Variants in BEND3 observed in about 807,000 individuals in gnomAD.
BEND3 encodes the protein BEN domain containing 3, also known as BEN domain-containing protein 3.
BEND3 carries 13 observed loss-of-function variants against 60.1 expected under a neutral mutation model. That is an observed-to-expected ratio of 0.22 (90% CI 0.14 to 0.34). The LOEUF is 0.34. Among genes scored for constraint, BEND3 ranks in the 10% least tolerant of loss-of-function variants. The pLI, the probability that BEND3 is intolerant of heterozygous loss-of-function variation, is 1.00. For missense variants in BEND3, 896 were observed against 1,138.1 expected (o/e 0.79, Z 3.06); for synonymous variants, 497 against 491.5 (o/e 1.01, Z -0.15).
Position 107,068,603 on chromosome 6 carries a change from T to A in BEND3, c.*101A>T, listed in dbSNP as rs1554231197. ...ACTCCCCACGGACATAAGGTGCCTG[T>A]CTGTGGATGCCATAGGCGTGCTCCC... On this transcript the variant is annotated 3_prime_UTR_variant, in exon 4 of 4. Coordinates refer to ENST00000369042, the MANE Select transcript of BEND3 (RefSeq NM_001367314.1). The surrounding 1 kb of genome is among the most constrained non-coding windows in gnomAD (Gnocchi z 5.8). 1 of 1,328,198 alleles carries A rather than the reference T, an allele frequency of 7.5e-7. No homozygotes were observed. The highest frequency in any genetic ancestry group is 1.0e-6 in the Non-Finnish European group (1 of 974,110). 82.3% of individuals were successfully genotyped at this position (1,328,198 alleles called of 1,614,324 possible). A position where few individuals can be genotyped will look rare whatever the true frequency, so the allele number is the denominator to read the frequency against.
intron 3 of BEND3, among the ~76,000 whole-genome samples, chr6:107,071,505 C>T (rs1774981522): frequency 6.6e-6 from 1 of 152,262 alleles, no homozygotes; most frequent in East Asian, 1.9e-4. Flanking sequence ...GTCGGGGCAC[C>T]TGAGAACTGG....
chr6:107,072,292 T>G (rs1344195899), intron 3 of BEND3, among the ~76,000 whole-genome samples: 7 of 152,146 alleles, frequency 4.6e-5, no homozygotes, highest in Admixed American at 2.6e-4. Context: ...TAAGCTCTAG[T>G]GTACACACTG....
At chr6:107,090,031 G>A (rs529824710) in intron 3 of BEND3, among the ~76,000 whole-genome samples, 1 of 152,070 alleles carries the variant, frequency 6.6e-6, no homozygotes, top group East Asian at 1.9e-4. Context: ...CAAAATTGAA[G>A]GAATCACATT....
At chr6:107,084,583 C>T (rs1554233945) in intron 3 of BEND3, among the ~76,000 whole-genome samples, 2 of 149,962 alleles carry the variant, frequency 1.3e-5, no homozygotes, top group African/African-American at 4.9e-5. Flanking sequence ...GCAATCAGCA[C>T]TCTGTGTCTA....
chr6:107,070,286 A>G lies in BEND3; in HGVS notation c.905T>C (p.Leu302Pro). 1 of 1,612,894 alleles carries G rather than the reference A, an allele frequency of 6.2e-7. No homozygotes were observed. The highest frequency in any genetic ancestry group is 8.5e-7 in the Non-Finnish European group (1 of 1,179,994). Residue 302 changes from leucine (L) to proline (P), a missense_variant, in exon 4 of 4, where the codon CTG becomes CCG. Physicochemically the swap from Leu to Pro is moderately conservative, Grantham distance 98. This residue lies in a region of BEND3 where 846 missense variants were observed against 1,036.7 expected (regional missense o/e 0.82). Transcript: ENST00000369042. The surrounding 1 kb of genome is among the most constrained non-coding windows in gnomAD (Gnocchi z 6.9). Reference protein sequence around the residue: ...GFAAKRKLESLHLQLIRNYVE... With the variant: ...GFAAKRKLESPHLQLIRNYVE... ...ATAGTTGCGGATGAGCTGCAGGTGC[A>G]GCGACTCCAGCTTGCGCTTGGCCGC...
chr6:107,075,661 A>G (rs1775085308), intron 3 of BEND3, among the ~76,000 whole-genome samples: 1 of 152,220 alleles, frequency 6.6e-6, no homozygotes, highest in Admixed American at 6.5e-5. Context: ...TTAGAAAAGG[A>G]GACTTTGCTT....
chr6:107,071,170 A>G (rs1170334463), intron 3 of BEND3, among the ~76,000 whole-genome samples: 1 of 152,228 alleles, frequency 6.6e-6, no homozygotes, highest in African/African-American at 2.4e-5. Context: ...CCCTGAGAAA[A>G]GACTCAGGCT....
rs1265610635 is a variant in BEND3 at position 107,115,123 on chromosome 6, C to G, written c.-45G>C. The G allele has an allele frequency of 6.7e-6, 1 of 150,098 alleles. No individual in the cohort carries two copies. Among genetic ancestry groups the G allele is most frequent in the African/African-American group, 2.4e-5 (1 of 41,194 alleles). 9.3% of individuals were successfully genotyped at this position (150,098 alleles called of 1,614,324 possible). On this transcript the variant is annotated 5_prime_UTR_variant, in exon 1 of 4. Coordinates refer to ENST00000369042, the MANE Select transcript of BEND3 (RefSeq NM_001367314.1). ...CGAGTTCTGTACTTTGCCGGGCGGG[C>G]CCGCGCCGAGTTTGGGCGCCACGTG... is the stretch of plus-strand genomic sequence containing the variant.
rs535141280 is a variant in BEND3 at position 107,100,417 on chromosome 6, G to C, written c.-11-1121C>G. Reference sequence around the variant, plus strand: ...CGAGTAGCTGGGACTACAGGCATAAGCCACCACTCCCGGCTAATTTTTTGT... The same window carrying C: ...CGAGTAGCTGGGACTACAGGCATAACCCACCACTCCCGGCTAATTTTTTGT... On this transcript the variant is annotated intron_variant, in intron 1 of 3. Transcript: ENST00000369042. 1.4e-4 allele frequency among the ~76,000 whole-genome samples: 22 copies of C among 152,184 alleles called. No individual in the cohort carries two copies. The East Asian group carries it at 4.3e-3, about 30-fold the overall frequency.
At chr6:107,071,912 G>C (rs1464835724) in intron 3 of BEND3, among the ~76,000 whole-genome samples, 1 of 152,174 alleles carries the variant, frequency 6.6e-6, no homozygotes, top group East Asian at 1.9e-4. Flanking sequence ...AACGTCAGTG[G>C]GTGACAGATG....
rs868959942 is a variant in BEND3, at chr6:107,090,043, C to T, written c.240+8508G>A. Among the ~76,000 whole-genome samples, 93 of 152,144 alleles carry T rather than the reference C, an allele frequency of 6.1e-4. 2 individuals carry two copies. The Middle Eastern group carries it at 0.017, about 28-fold the overall frequency. ...GAACAAAATTGAAGGAATCACATTACCTGATTTTAAATTATACTACAGAGG... is the reference window on the plus strand; with the variant it reads ...GAACAAAATTGAAGGAATCACATTATCTGATTTTAAATTATACTACAGAGG... On this transcript the variant is annotated intron_variant, in intron 3 of 3. Transcript: ENST00000369042.
intron 3 of BEND3, among the ~76,000 whole-genome samples, chr6:107,091,563 G>A (rs1554235230): frequency 6.6e-6 from 1 of 152,162 alleles, no homozygotes; most frequent in African/African-American, 2.4e-5. Context: ...CTAGAGGAAA[G>A]AGACTAATTC....
intron 1 of BEND3, among the ~76,000 whole-genome samples, chr6:107,108,803 G>A (rs528222575): frequency 2.0e-5 from 3 of 152,092 alleles, no homozygotes; most frequent in Admixed American, 1.3e-4. Context: ...AAATTAAGAG[G>A]GTTGATTGAT....
At chr6:107,093,439 C>T (rs1395027104) in intron 3 of BEND3, among the ~76,000 whole-genome samples, 10 of 148,474 alleles carry the variant, frequency 6.7e-5, no homozygotes, top group African/African-American at 2.2e-4. Flanking sequence ...CCAGCCTGGG[C>T]GACAGAGCGA....
chr6:107,086,018 A>T (rs1201682508), intron 3 of BEND3, among the ~76,000 whole-genome samples: 1 of 151,182 alleles, frequency 6.6e-6, no homozygotes, highest in African/African-American at 2.4e-5. Flanking sequence ...CGATCTCCTG[A>T]CCTCGTGATC....
intron 3 of BEND3, among the ~76,000 whole-genome samples, chr6:107,098,032 G>C (rs546743012): frequency 5.9e-5 from 9 of 151,318 alleles, no homozygotes; most frequent in Admixed American, 2.6e-4. Flanking sequence ...AGAGTTGGCT[G>C]TGCACTATGG....
At position 107,098,715 on chromosome 6, in the gene BEND3, C is replaced by T. The variant is rs782214474; in HGVS notation, c.76G>A (p.Glu26Lys). The T allele has an allele frequency of 1.4e-5, 22 of 1,614,158 alleles. No individual in the cohort carries two copies. In the South Asian group the frequency reaches 2.3e-4, roughly 17 times the overall value. Reference sequence around the variant, plus strand: ...ACGGAGCAGTCCAGAGCAGCATCTTCAGCCTCTGTCTCCACTTTCACAGTG... The same window carrying T: ...ACGGAGCAGTCCAGAGCAGCATCTTTAGCCTCTGTCTCCACTTTCACAGTG... ...SITVKVETEA[E>K]DAALDCSVNS... is the part of the protein sequence containing the mutation. The change falls in exon 3 of 4, where the codon GAA (glutamate) becomes AAA (lysine). Residue 26 changes from glutamate (E) to lysine (K), a missense_variant. Glu to Lys is a moderately conservative substitution (Grantham distance 56). Coordinates refer to ENST00000369042, the MANE Select transcript of BEND3 (RefSeq NM_001367314.1).
At chr6:107,112,779 G>A (rs755695275) in intron 1 of BEND3, among the ~76,000 whole-genome samples, 3 of 151,484 alleles carry the variant, frequency 2.0e-5, no homozygotes, top group Non-Finnish European at 4.4e-5. Context: ...CTTGAACCCA[G>A]GAGGCAGAGG....
At chr6:107,110,993 G>C (rs1349055405) in intron 1 of BEND3, among the ~76,000 whole-genome samples, 2 of 151,606 alleles carry the variant, frequency 1.3e-5, no homozygotes, top group East Asian at 4.0e-4. Context: ...GTGAAACCCC[G>C]TATCTACTAA....
Sources: gnomAD v4.1 joint callset for allele counts (sites outside exome capture counted in the v4.1 genomes callset) on GRCh38, gnomAD v4.1.1 for gene constraint, gnomAD v4.1.1 regional missense constraint, Gnocchi (gnomAD v3.1) non-coding constraint, MANE v1.5 for transcripts, NCBI Gene and HGNC (gene_info 2026-07-23, HGNC 2026-07-21) for gene names.